Variants in SRGAP2C observed in about 807,000 individuals in gnomAD.
SRGAP2C encodes SLIT-ROBO Rho GTPase activating protein 2C.
Under a neutral mutation model 25.1 loss-of-function variants are expected in SRGAP2C, and 15 were observed. That is an observed-to-expected ratio of 0.60 (90% CI 0.40 to 0.92). SRGAP2C has a LOEUF of 0.92. Ranked by LOEUF, SRGAP2C falls within the 40% of genes least tolerant of loss-of-function variation. SRGAP2C has a pLI of 0.00. For missense variants in SRGAP2C, 144 were observed against 264.4 expected, an observed-to-expected ratio of 0.54 and a Z score of 3.16; for synonymous variants, 44 against 96.6, an observed-to-expected ratio of 0.46 and a Z score of 3.19.
intron 2 of SRGAP2C, among the ~76,000 whole-genome samples, chr1:121,238,422 C>G (rs587602191): frequency 1.8e-3 from 276 of 151,268 alleles, no homozygotes; most frequent in Admixed American, 4.2e-3. Flanking sequence ...ATGCTGAGTA[C>G]CTGAGATAAA....
At chr1:121,302,286 T>C (rs1423249254) in intron 3 of SRGAP2C, among the ~76,000 whole-genome samples, 227 of 152,096 alleles carry the variant, frequency 1.5e-3, no homozygotes, top group Non-Finnish European at 2.7e-3. Context: ...AATGATTTCA[T>C]TTTTCTCCAG....
intron 2 of SRGAP2C, among the ~76,000 whole-genome samples, chr1:121,258,290 T>C (rs1178944896): frequency 6.6e-6 from 1 of 151,590 alleles, no homozygotes; most frequent in East Asian, 1.9e-4. Flanking sequence ...ATGAGGAGTC[T>C]TCTTTTATTT....
intron 5 of SRGAP2C, among the ~76,000 whole-genome samples, chr1:121,370,796 C>T (rs1348948519): frequency 9.3e-5 from 14 of 149,888 alleles, no homozygotes; most frequent in Non-Finnish European, 5.9e-5. Flanking sequence ...CTTCATCCCA[C>T]TGCTACTTAT....
At chr1:121,191,631 G>C (rs1570693157) in intron 2 of SRGAP2C, among the ~76,000 whole-genome samples, 1 of 151,436 alleles carries the variant, frequency 6.6e-6, no homozygotes, top group Admixed American at 6.6e-5. Flanking sequence ...GTAAGGTGCA[G>C]GGCATGGTTA....
At chr1:121,314,856 C>G (rs1553340410) in intron 3 of SRGAP2C, 39 of 533,840 alleles carry the variant, frequency 7.3e-5, no homozygotes, top group Non-Finnish European at 5.2e-5. Flanking sequence ...AGAAATCACC[C>G]GTCTTCTGTG....
intron 4 of SRGAP2C, among the ~76,000 whole-genome samples, chr1:121,329,536 T>G (rs1448672118): frequency 7.0e-6 from 1 of 142,100 alleles, no homozygotes; most frequent in African/African-American, 2.7e-5. Flanking sequence ...GCAGCATGTT[T>G]ACACTCCTCA....
At chr1:121,370,428 T>C (rs1196237912) in intron 5 of SRGAP2C, among the ~76,000 whole-genome samples, 4 of 134,790 alleles carry the variant, frequency 3.0e-5, no homozygotes, top group Non-Finnish European at 6.3e-5. Context: ...GCCTCACTGT[T>C]CTCAGACTTC....
At chr1:121,237,574 C>T (rs1553328947) in intron 2 of SRGAP2C, among the ~76,000 whole-genome samples, 15 of 151,520 alleles carry the variant, frequency 9.9e-5, no homozygotes. Context: ...ACCTACCTGG[C>T]TGCATCCAAC....
chr1:121,370,478 G>C lies in SRGAP2C; in HGVS notation c.487-3493G>C, dbSNP rs587770096. Among the ~76,000 whole-genome samples, 3 of 105,746 alleles carry C rather than the reference G, an allele frequency of 2.8e-5. No homozygotes were observed. The East Asian group carries it at 8.6e-4, about 30-fold the overall frequency. 69.4% of individuals were successfully genotyped at this position (105,746 alleles called of 152,430 possible). A position where few individuals can be genotyped will look rare whatever the true frequency, so the allele number is the denominator to read the frequency against. ...TTTTTTTGAGATGGAGTCTCGCTCT[G>C]TTGCCCAGGCTGGAGTGCAGTGGCG... On this transcript the variant is annotated intron_variant, in intron 5 of 9. Coordinates refer to ENST00000367123, the MANE Select transcript of SRGAP2C (RefSeq NM_001329984.2).
chr1:121,314,785 T>C (rs1240580845), intron 3 of SRGAP2C, among the ~76,000 whole-genome samples: 2 of 151,928 alleles, frequency 1.3e-5, no homozygotes, highest in Non-Finnish European at 2.9e-5. Context: ...CTGCCCGTTC[T>C]CAGATCTCCA....
chr1:121,232,443 T>TA (rs1192542947), intron 2 of SRGAP2C, among the ~76,000 whole-genome samples: 4 of 77,286 alleles, frequency 5.2e-5, no homozygotes, highest in African/African-American at 1.6e-4. Flanking sequence ...TGGGATGGCA[T>TA]AAAAAAAAGA....
chr1:121,202,583 C>G (rs1237514599), intron 2 of SRGAP2C, among the ~76,000 whole-genome samples: 2 of 148,764 alleles, frequency 1.3e-5, no homozygotes, highest in Non-Finnish European at 3.0e-5. Context: ...CACGTGCCAC[C>G]ACGCCTGGCT....
rs1270393388 is a variant in SRGAP2C at position 121,224,130 on chromosome 1, C to T, written c.67+36617C>T. On this transcript the variant is annotated intron_variant, in intron 2 of 9. Coordinates refer to ENST00000367123, the MANE Select transcript of SRGAP2C (RefSeq NM_001329984.2). ...CTGCCTCTGAGCGTGCATCATCTCA[C>T]TGGTGAGGCTCACATACAAACAAAC... Among the ~76,000 whole-genome samples the T allele has an allele frequency of 5.2e-4, 77 of 148,912 alleles. 1 individual carries two copies. Among genetic ancestry groups the T allele is most frequent in the Non-Finnish European group, 1.0e-4 (7 of 67,074 alleles).
chr1:121,207,300 C>G (rs1442856782), intron 2 of SRGAP2C, among the ~76,000 whole-genome samples: 2 of 151,494 alleles, frequency 1.3e-5, no homozygotes, highest in Non-Finnish European at 2.9e-5. Context: ...GGAAAGAGCA[C>G]AGCTAAACAA....
intron 3 of SRGAP2C, among the ~76,000 whole-genome samples, chr1:121,295,625 A>G (rs1657579497): frequency 6.6e-6 from 1 of 152,072 alleles, no homozygotes. Flanking sequence ...TCAGGTTTCA[A>G]GTGAGCTTGG....
intron 2 of SRGAP2C, among the ~76,000 whole-genome samples, chr1:121,204,148 T>C (rs1655058562): frequency 7.8e-6 from 1 of 128,976 alleles, no homozygotes; most frequent in African/African-American, 3.3e-5. Flanking sequence ...ATTTTGGAGA[T>C]CCTGTCTCCA....
At chr1:121,232,795 T>G (rs1655851435) in intron 2 of SRGAP2C, among the ~76,000 whole-genome samples, 1 of 151,862 alleles carries the variant, frequency 6.6e-6, no homozygotes, top group Non-Finnish European at 1.5e-5. Context: ...CATTTTGGTT[T>G]GGTGACAAAA....
intron 2 of SRGAP2C, among the ~76,000 whole-genome samples, chr1:121,268,099 C>T (rs1252424895): frequency 2.8e-5 from 4 of 145,326 alleles, no homozygotes; most frequent in Non-Finnish European, 6.1e-5. Flanking sequence ...ATGGAACTTA[C>T]ACTCTAGTGG....
intron 2 of SRGAP2C, among the ~76,000 whole-genome samples, chr1:121,231,558 C>T: frequency 6.7e-6 from 1 of 149,622 alleles, no homozygotes; most frequent in Admixed American, 6.6e-5. Flanking sequence ...TCCCAGAAGA[C>T]TCCTATTGGG....
Sources: gnomAD v4.1 joint callset for allele counts (sites outside exome capture counted in the v4.1 genomes callset) on GRCh38, gnomAD v4.1.1 for gene constraint, MANE v1.5 for transcripts, NCBI Gene and HGNC (gene_info 2026-07-23, HGNC 2026-07-21) for gene names.